EPN2: variants seen among roughly 807,000 people sequenced by gnomAD.
EPN2 encodes the protein epsin-2.
EPN2 carries 34 observed loss-of-function variants against 61.7 expected under a neutral mutation model. The observed-to-expected ratio is 0.55, with a 90% CI of 0.42 to 0.73. EPN2 has a LOEUF of 0.73. EPN2 is among the 30% of genes least tolerant of loss of function. The probability of loss-of-function intolerance (pLI) is 0.00; values close to 1 mark genes in which losing one functional copy is unlikely to be tolerated. For synonymous variants in EPN2, 349 were observed against 353.6 expected, an observed-to-expected ratio of 0.99 and a Z score of 0.15; for missense variants, 714 against 839.2, an observed-to-expected ratio of 0.85 and a Z score of 1.84.
intron 7 of EPN2, among the ~76,000 whole-genome samples, chr17:19,321,270 G>A (rs1030925897): frequency 1.3e-5 from 2 of 152,150 alleles, no homozygotes; most frequent in African/African-American, 4.8e-5. Context: ...CCCCTTTGCT[G>A]TGTTGTTCAC....
chr17:19,246,277 GA>G (rs1171337567), intron 1 of EPN2, among the ~76,000 whole-genome samples: 2 of 152,190 alleles, frequency 1.3e-5, no homozygotes, highest in Non-Finnish European at 2.9e-5. Context: ...AGGATCGCTT[GA>G]ACTGGGAGAC....
chr17:19,330,869 G>A (rs1907125717), intron 9 of EPN2, among the ~76,000 whole-genome samples: 1 of 152,176 alleles, frequency 6.6e-6, no homozygotes, highest in Non-Finnish European at 1.5e-5. Flanking sequence ...GTGGTCGTGT[G>A]CACCTGCCTG....
intron 1 of EPN2, chr17:19,274,436 G>A (rs1015367673): frequency 5.9e-5 from 9 of 152,194 alleles, no homozygotes; most frequent in Admixed American, 5.9e-4. Flanking sequence ...CTGAGGTGAA[G>A]ATGTTCAGGT....
At chr17:19,295,501 C>T (rs997582651) in intron 4 of EPN2, among the ~76,000 whole-genome samples, 2 of 151,764 alleles carry the variant, frequency 1.3e-5, no homozygotes, top group Admixed American at 6.6e-5. Flanking sequence ...CATTAGACTC[C>T]AGCCTGGGTG....
intron 4 of EPN2, among the ~76,000 whole-genome samples, chr17:19,294,424 GA>G (rs2045495381): frequency 6.6e-6 from 1 of 151,790 alleles, no homozygotes; most frequent in African/African-American, 2.4e-5. Flanking sequence ...TTTCTCAAAA[GA>G]AAAAAAATAT....
intron 1 of EPN2, among the ~76,000 whole-genome samples, chr17:19,254,189 G>A (rs1055631081): frequency 1.3e-5 from 2 of 150,386 alleles, no homozygotes; most frequent in Non-Finnish European, 3.0e-5. Context: ...AAGGGAGGGA[G>A]GGAGGGAAGG....
chr17:19,270,959 G>A (rs1194812087), intron 1 of EPN2, among the ~76,000 whole-genome samples: 1 of 152,222 alleles, frequency 6.6e-6, no homozygotes, highest in Non-Finnish European at 1.5e-5. Context: ...CTCAAGAAAT[G>A]GAGACCGAAA....
At chr17:19,295,738 T>C (rs1390009046) in intron 4 of EPN2, among the ~76,000 whole-genome samples, 1 of 152,156 alleles carries the variant, frequency 6.6e-6, no homozygotes, top group East Asian at 1.9e-4. Flanking sequence ...GCTCTCAAGC[T>C]TTTAAATCTC....
chr17:19,287,081 C>T (rs1437876020), intron 4 of EPN2, among the ~76,000 whole-genome samples: 9 of 152,126 alleles, frequency 5.9e-5, no homozygotes, highest in Non-Finnish European at 7.4e-5. Flanking sequence ...CTAGCTCTCC[C>T]GCTGGCAAAC....
intron 1 of EPN2, among the ~76,000 whole-genome samples, chr17:19,244,309 A>G (rs28453709): frequency 3.8e-4 from 58 of 152,258 alleles, no homozygotes; most frequent in African/African-American, 1.2e-3. Context: ...AAATACAAAA[A>G]TGAGCCAGGT....
intron 1 of EPN2, among the ~76,000 whole-genome samples, chr17:19,237,779 A>G (rs1016810534): frequency 1.3e-5 from 2 of 151,132 alleles, no homozygotes; most frequent in African/African-American, 4.9e-5. Flanking sequence ...TTTCCGCTGC[A>G]AGGATCTCCC....
chr17:19,290,610 C>T (rs1371168636), intron 4 of EPN2, among the ~76,000 whole-genome samples: 2 of 143,320 alleles, frequency 1.4e-5, no homozygotes, highest in African/African-American at 5.3e-5. Context: ...GCCAGAGCTA[C>T]AGCTGTCTTG....
At chr17:19,290,033 G>A (rs1417451492) in intron 4 of EPN2, among the ~76,000 whole-genome samples, 4 of 152,084 alleles carry the variant, frequency 2.6e-5, no homozygotes, top group Non-Finnish European at 5.9e-5. Flanking sequence ...TGGCACTCAT[G>A]TTTACTTGGT....
intron 7 of EPN2, among the ~76,000 whole-genome samples, chr17:19,314,470 C>T (rs1465270258): frequency 6.6e-6 from 1 of 152,140 alleles, no homozygotes; most frequent in Non-Finnish European, 1.5e-5. Flanking sequence ...GGTGCAGATG[C>T]AACCAGCTGG....
chr17:19,242,886 A>C (rs2152198101), intron 1 of EPN2, among the ~76,000 whole-genome samples: 1 of 152,300 alleles, frequency 6.6e-6, no homozygotes, highest in Admixed American at 6.5e-5. Context: ...TCTTGGTCCC[A>C]CCCCTCTTAG....
intron 4 of EPN2, chr17:19,307,951 C>T: frequency 1.0e-6 from 1 of 985,252 alleles, no homozygotes; most frequent in Non-Finnish European, 1.2e-6. Context: ...AAGAGGAAAA[C>T]CCTAAGAAGC....
chr17:19,314,445 C>T (rs140794445), intron 7 of EPN2, among the ~76,000 whole-genome samples: 41 of 152,212 alleles, frequency 2.7e-4, no homozygotes, highest in African/African-American at 8.4e-4. Context: ...CAGAGGGGTA[C>T]GGAGTGGTGG....
intron 9 of EPN2, 66 bp downstream of exon 9, chr17:19,329,713 A>G: frequency 1.0e-6 from 1 of 978,328 alleles, no homozygotes; most frequent in East Asian, 2.4e-5. Flanking sequence ...TATTGCAGAA[A>G]TAATAATCAG....
Position 19,283,809 on chromosome 17 carries a change from T to C in EPN2, c.595+95T>C. On this transcript the variant is annotated intron_variant, in intron 3 of 10. Transcript: ENST00000314728. The surrounding 1 kb of genome is among the most constrained non-coding windows in gnomAD (Gnocchi z 7.0). ...TCTGGGCTTAGGGAGTGGTGGCCACTGCAGAGCTCGAACCTGTCCTCAGTA... is the reference window on the plus strand; with the variant it reads ...TCTGGGCTTAGGGAGTGGTGGCCACCGCAGAGCTCGAACCTGTCCTCAGTA... 2 of 912,014 alleles carry C rather than the reference T, an allele frequency of 2.2e-6. No individual in the cohort carries two copies. The highest frequency in any genetic ancestry group is 2.6e-5 in the East Asian group (1 of 37,750). 56.5% of individuals were successfully genotyped at this position (912,014 alleles called of 1,614,324 possible). A position where few individuals can be genotyped will look rare whatever the true frequency, so the allele number is the denominator to read the frequency against.
Sources: gnomAD v4.1 joint callset for allele counts (sites outside exome capture counted in the v4.1 genomes callset) on GRCh38, gnomAD v4.1.1 for gene constraint, Gnocchi (gnomAD v3.1) non-coding constraint, MANE v1.5 for transcripts, NCBI Gene and HGNC (gene_info 2026-07-23, HGNC 2026-07-21) for gene names.